HDAC9: variants seen among roughly 807,000 people sequenced by gnomAD.
HDAC9 encodes the protein histone deacetylase 9.
Under a neutral mutation model 139.4 loss-of-function variants are expected in HDAC9, and 41 were observed. The observed-to-expected ratio is 0.29, with a 90% CI of 0.23 to 0.38. The LOEUF (loss-of-function observed/expected upper bound fraction) is 0.38, where lower values mean the gene tolerates loss of function less well. HDAC9 is among the 10% of genes least tolerant of loss of function. The pLI is 1.00. For synonymous variants in HDAC9, 517 were observed against 476.2 expected (o/e 1.09, Z -1.12); for missense variants, 1,147 against 1,297.0 (o/e 0.88, Z 1.78).
At chr7:18,293,292 G>T (rs551575975) in intron 1 of HDAC9, among the ~76,000 whole-genome samples, 1 of 145,608 alleles carries the variant, frequency 6.9e-6, no homozygotes. Context: ...TCACTGTTAT[G>T]TCACATTCTT....
intron 1 of HDAC9, among the ~76,000 whole-genome samples, chr7:18,468,384 A>G (rs950046523): frequency 2.0e-5 from 3 of 151,830 alleles, no homozygotes; most frequent in Admixed American, 1.3e-4. Context: ...ATTCAATACT[A>G]CTTTATTTTG....
rs115186064 is a variant in HDAC9, at chr7:18,768,566, C to T, written c.2214+1411C>T. Among the ~76,000 whole-genome samples, 597 of 152,262 alleles carry T rather than the reference C, an allele frequency of 3.9e-3. 1 individual carries two copies. The highest frequency in any genetic ancestry group is 0.014 in the African/African-American group (569 of 41,556). ...TTCTGGAAAGCAGAGGATAAGCTGA[C>T]TTTTAAAATGGGTTTCATTGGCTTT... is the stretch of plus-strand genomic sequence containing the variant. On this transcript the variant is annotated intron_variant, in intron 16 of 25. Transcript: ENST00000686413.
intron 2 of HDAC9, among the ~76,000 whole-genome samples, chr7:18,273,832 TA>T (rs1414717015): frequency 2.0e-5 from 3 of 152,186 alleles, no homozygotes; most frequent in Non-Finnish European, 2.9e-5. Flanking sequence ...AAATGTCTAC[TA>T]AGCAGCCAAG....
chr7:18,115,578 G>A (rs1783926675), intron 1 of HDAC9, among the ~76,000 whole-genome samples: 2 of 152,128 alleles, frequency 1.3e-5, no homozygotes, highest in African/African-American at 4.8e-5. Context: ...TTATATCCTT[G>A]AGGGAGTTAC....
At chr7:18,273,107 C>G (rs1796493722) in intron 2 of HDAC9, among the ~76,000 whole-genome samples, 1 of 129,322 alleles carries the variant, frequency 7.7e-6, no homozygotes, top group South Asian at 2.3e-4. Context: ...TGTCTGTTGC[C>G]CTCGCTGGAG....
chr7:18,165,550 G>A (rs1165441862), intron 2 of HDAC9, among the ~76,000 whole-genome samples: 1 of 152,162 alleles, frequency 6.6e-6, no homozygotes, highest in Non-Finnish European at 1.5e-5. Flanking sequence ...AGTTTGAGAG[G>A]CCTAGGTGGG....
intron 22 of HDAC9, among the ~76,000 whole-genome samples, chr7:18,904,528 A>T (rs1802019424): frequency 6.7e-6 from 1 of 149,922 alleles, no homozygotes; most frequent in Non-Finnish European, 1.5e-5. Flanking sequence ...TACTTGCTAG[A>T]TCCTCAGCAT....
chr7:18,125,604 T>C (rs746991100), intron 1 of HDAC9, among the ~76,000 whole-genome samples: 1 of 152,142 alleles, frequency 6.6e-6, no homozygotes, highest in Non-Finnish European at 1.5e-5. Context: ...TTACAGTCTG[T>C]GTTATCTACT....
intron 1 of HDAC9, among the ~76,000 whole-genome samples, chr7:18,484,658 T>A: frequency 6.6e-6 from 1 of 152,054 alleles, no homozygotes; most frequent in Non-Finnish European, 1.5e-5. Flanking sequence ...TAGGCCTCGG[T>A]TTTTGAAGTC....
chr7:18,483,431 C>T lies in HDAC9; in HGVS notation c.-41-12831C>T, dbSNP rs372501195. 1.9e-3 allele frequency among the ~76,000 whole-genome samples: 285 copies of T among 152,246 alleles called. 1 individual carries two copies. The highest frequency in any genetic ancestry group is 5.6e-3 in the African/African-American group (232 of 41,560). ...AACCCACAGCAGTGAATTGGAAGAA[C>T]TTTGACCAGTAATCTGTTTGATAGT... On this transcript the variant is annotated intron_variant, in intron 1 of 3. Coordinates refer to the HDAC9 transcript ENST00000413509.
chr7:18,358,081 C>T (rs547482433), intron 1 of HDAC9, among the ~76,000 whole-genome samples: 16 of 152,074 alleles, frequency 1.1e-4, no homozygotes, highest in Non-Finnish European at 2.1e-4. Flanking sequence ...CCCAGCTACT[C>T]GGGAGGCTGA....
At chr7:18,391,872 C>G (rs1308633967) in intron 1 of HDAC9, among the ~76,000 whole-genome samples, 1 of 152,224 alleles carries the variant, frequency 6.6e-6, no homozygotes, top group Non-Finnish European at 1.5e-5. Flanking sequence ...TGAGTTCACA[C>G]AGGCCTAGTG....
At chr7:18,935,259 A>C (rs964814064) in intron 22 of HDAC9, among the ~76,000 whole-genome samples, 24 of 152,142 alleles carry the variant, frequency 1.6e-4, no homozygotes, top group Non-Finnish European at 3.5e-4. Context: ...ACTCGTATAG[A>C]TGTTATTCAT....
chr7:18,895,297 G>A (rs1801085070), intron 22 of HDAC9, among the ~76,000 whole-genome samples: 1 of 152,136 alleles, frequency 6.6e-6, no homozygotes, highest in African/African-American at 2.4e-5. Flanking sequence ...ATTATCTGAT[G>A]TACTAAGGAT....
At chr7:18,441,452 A>G (rs1459083245) in intron 1 of HDAC9, among the ~76,000 whole-genome samples, 6 of 152,254 alleles carry the variant, frequency 3.9e-5, no homozygotes, top group Non-Finnish European at 7.3e-5. Context: ...TTAGGTGCAT[A>G]TAAAATACAC....
chr7:18,311,923 G>A (rs964280816), intron 1 of HDAC9, among the ~76,000 whole-genome samples: 16 of 152,182 alleles, frequency 1.1e-4, no homozygotes, highest in Non-Finnish European at 2.1e-4. Context: ...ACTGTGGGGG[G>A]AAATGGCTTT....
rs1344696030 is a variant in HDAC9 at position 18,895,667 on chromosome 7, A to C, written c.2803+21071A>C. Among the ~76,000 whole-genome samples the C allele has an allele frequency of 2.6e-5, 4 of 152,128 alleles. No individual in the cohort carries two copies. In the East Asian group the frequency reaches 7.7e-4, roughly 29 times the overall value. On this transcript the variant is annotated intron_variant, in intron 22 of 25. Coordinates refer to ENST00000686413, the MANE Select transcript of HDAC9 (RefSeq NM_178425.4). ...AAGAAAGTTTTGACTTGATACTTTC[A>C]GTTAATGCTGAGATTTAAAAATAAA...
intron 24 of HDAC9, among the ~76,000 whole-genome samples, chr7:18,959,780 A>G (rs774845954): frequency 6.6e-6 from 1 of 152,114 alleles, no homozygotes; most frequent in African/African-American, 2.4e-5. Context: ...CCCCACTTTC[A>G]CTTTTCCCCA....
intron 22 of HDAC9, among the ~76,000 whole-genome samples, chr7:18,906,500 C>A (rs2129285873): frequency 6.6e-6 from 1 of 152,246 alleles, no homozygotes; most frequent in Middle Eastern, 3.4e-3. Flanking sequence ...AGTTCCTCTG[C>A]CAAGAAACAT....
Sources: gnomAD v4.1 joint callset for allele counts (sites outside exome capture counted in the v4.1 genomes callset) on GRCh38, gnomAD v4.1.1 for gene constraint, MANE v1.5 for transcripts, NCBI Gene and HGNC (gene_info 2026-07-23, HGNC 2026-07-21) for gene names.